TUT4: variants seen among roughly 807,000 people sequenced by gnomAD.
The protein encoded by TUT4 is terminal uridylyl transferase 4.
TUT4 carries 36 observed loss-of-function variants against 192.2 expected under a neutral mutation model. The observed-to-expected ratio is 0.19, with a 90% CI of 0.14 to 0.25. The LOEUF is 0.25. Ranked by LOEUF, TUT4 falls within the 10% of genes least tolerant of loss-of-function variation. The probability of loss-of-function intolerance (pLI) is 1.00; values close to 1 mark genes in which losing one functional copy is unlikely to be tolerated. For missense variants in TUT4, 1,493 were observed against 1,957.2 expected (o/e 0.76, Z 4.47); for synonymous variants, 618 against 666.0 (o/e 0.93, Z 1.11).
At chr1:52,430,439 C>T (rs1422867632) in intron 28 of TUT4, among the ~76,000 whole-genome samples, 1 of 152,062 alleles carries the variant, frequency 6.6e-6, no homozygotes, top group Non-Finnish European at 1.5e-5. Flanking sequence ...TGCACCACCA[C>T]ACCCAGCTAA....
intron 24 of TUT4, among the ~76,000 whole-genome samples, chr1:52,444,118 C>T (rs867311494): frequency 6.6e-6 from 1 of 152,024 alleles, no homozygotes; most frequent in Non-Finnish European, 1.5e-5. Flanking sequence ...CGCCTGTGGT[C>T]CCTGCTACTC....
intron 6 of TUT4, among the ~76,000 whole-genome samples, chr1:52,494,896 C>G (rs1672082306): frequency 6.6e-6 from 1 of 151,922 alleles, no homozygotes; most frequent in Non-Finnish European, 1.5e-5. Context: ...TGTTCTAATA[C>G]TGATAACAAT....
intron 3 of TUT4, among the ~76,000 whole-genome samples, chr1:52,514,362 A>C (rs892353358): frequency 2.0e-5 from 3 of 152,124 alleles, no homozygotes; most frequent in Non-Finnish European, 4.4e-5. Flanking sequence ...AATTGCTTGA[A>C]CCCAGGAGGT....
rs370808276 is a variant in TUT4 at position 52,461,112 on chromosome 1, T to C, written c.3321+22A>G. 1.2e-5 allele frequency: 19 copies of C among 1,524,266 alleles called. No homozygotes were observed. The African/African-American group carries it at 2.5e-4, about 20-fold the overall frequency. The allele number at this position is 1,524,266 out of a possible 1,614,324, so 94.4% of individuals were successfully genotyped here. The stretch of plus-strand genomic sequence containing the variant: ...TTTTAATTATCATGAACAAAGCAGA[T>C]CATTAATTTTTTCATAAATACCTTA... On this transcript the variant is annotated intron_variant, in intron 19 of 29. Transcript: ENST00000257177.
intron 24 of TUT4, among the ~76,000 whole-genome samples, chr1:52,439,621 G>C (rs939528142): frequency 2.0e-5 from 3 of 152,138 alleles, no homozygotes; most frequent in Non-Finnish European, 4.4e-5. Context: ...GCTTTAAAAA[G>C]ACAATAACAA....
At chr1:52,459,526 C>T (rs1169765525) in intron 19 of TUT4, among the ~76,000 whole-genome samples, 1 of 151,860 alleles carries the variant, frequency 6.6e-6, no homozygotes, top group East Asian at 1.9e-4. Flanking sequence ...GAGGTCAAGG[C>T]TGCAGTGAGC....
At chr1:52,464,128 C>T (rs956505764) in intron 16 of TUT4, among the ~76,000 whole-genome samples, 1 of 152,034 alleles carries the variant, frequency 6.6e-6, no homozygotes, top group African/African-American at 2.4e-5. Context: ...ATACCTACCT[C>T]GAAGGTGGTT....
At chr1:52,488,732 T>A (rs948327840) in intron 9 of TUT4, among the ~76,000 whole-genome samples, 177 bp downstream of exon 9, 22 of 152,196 alleles carry the variant, frequency 1.4e-4, no homozygotes, top group African/African-American at 5.3e-4. Context: ...AAAAATTTAT[T>A]TTTATGTCCA....
chr1:52,424,579 A>G (rs1269612855), intron 29 of TUT4: 2 of 152,492 alleles, frequency 1.3e-5, no homozygotes, highest in Non-Finnish European at 2.9e-5. Context: ...CCAGACTCAG[A>G]CAATGCCTAT....
At chr1:52,547,264 T>A (rs565164964) in intron 1 of TUT4, among the ~76,000 whole-genome samples, 1 of 151,074 alleles carries the variant, frequency 6.6e-6, no homozygotes, top group Non-Finnish European at 1.5e-5. Flanking sequence ...CCAAAGGAGA[T>A]AGACAAATGC....
intron 28 of TUT4, among the ~76,000 whole-genome samples, chr1:52,426,346 T>A (rs1054345373): frequency 2.0e-5 from 3 of 152,236 alleles, no homozygotes; most frequent in Admixed American, 6.5e-5. Context: ...ATTCTTTTTA[T>A]GGCTAACTAT....
chr1:52,449,597 G>T (rs1186258104), intron 20 of TUT4, among the ~76,000 whole-genome samples: 4 of 152,114 alleles, frequency 2.6e-5, no homozygotes, highest in African/African-American at 9.7e-5. Context: ...ACTGCGACTG[G>T]CCTAACTTGT....
Position 52,477,838 on chromosome 1 carries a change from C to G in TUT4, c.1893G>C (p.Gln631His). The change falls in exon 12 of 30, where the codon CAG (glutamine) becomes CAC (histidine). Residue 631 changes from glutamine to histidine, a missense_variant. Gln to His is a conservative substitution (Grantham distance 24). This residue lies in a region of TUT4 where 437 missense variants were observed against 577.6 expected (regional missense o/e 0.76). Coordinates refer to ENST00000257177, the MANE Select transcript of TUT4 (RefSeq NM_001009881.3). ...LETPNRVSLG[Q>H]LWLELLKFYT... ...AGAATTTAAGCAGCTCTAACCATAACTGTCCCAAGGATACCCGATTTGGTG... is the reference window on the plus strand; with the variant it reads ...AGAATTTAAGCAGCTCTAACCATAAGTGTCCCAAGGATACCCGATTTGGTG... The G allele has an allele frequency of 6.2e-7, 1 of 1,613,838 alleles. No homozygotes were observed.
chr1:52,433,577 A>C (rs1452009523), intron 27 of TUT4: 2 of 152,218 alleles, frequency 1.3e-5, no homozygotes, highest in Non-Finnish European at 2.9e-5. Flanking sequence ...AGCAATGTCC[A>C]TTAGACAGAC....
chr1:52,514,536 T>G (rs987741198), intron 3 of TUT4, among the ~76,000 whole-genome samples: 1 of 152,142 alleles, frequency 6.6e-6, no homozygotes, highest in African/African-American at 2.4e-5. Flanking sequence ...ACCCAAACTC[T>G]CTCCTGTATT....
chr1:52,545,524 C>T (rs1432503316), intron 1 of TUT4, among the ~76,000 whole-genome samples: 1 of 151,974 alleles, frequency 6.6e-6, no homozygotes, highest in Admixed American at 6.6e-5. Context: ...GGGCAAAGGG[C>T]TGGCATAGAC....
At chr1:52,498,902 TTATATATA>T (rs60991652) in intron 4 of TUT4, among the ~76,000 whole-genome samples, 397 of 23,210 alleles carry the variant, frequency 0.017, 20 homozygotes, top group African/African-American at 0.021. Flanking sequence ...AAAAAAAAAA[TTATATATA>T]TATATATATA....
chr1:52,507,459 A>T (rs1355680155), intron 4 of TUT4, among the ~76,000 whole-genome samples: 3 of 151,986 alleles, frequency 2.0e-5, no homozygotes, highest in South Asian at 4.1e-4. Flanking sequence ...CCACTGCTTC[A>T]TATTTCTGTA....
intron 3 of TUT4, among the ~76,000 whole-genome samples, chr1:52,511,527 G>T (rs1677159790): frequency 6.6e-6 from 1 of 152,094 alleles, no homozygotes; most frequent in South Asian, 2.1e-4. Context: ...CCTGGGGTCG[G>T]GGGAGTTACT....
Sources: gnomAD v4.1 joint callset for allele counts (sites outside exome capture counted in the v4.1 genomes callset) on GRCh38, gnomAD v4.1.1 for gene constraint, gnomAD v4.1.1 regional missense constraint, MANE v1.5 for transcripts, NCBI Gene and HGNC (gene_info 2026-07-23, HGNC 2026-07-21) for gene names.